Variants in TNRC6C observed in about 807,000 individuals in gnomAD.
TNRC6C encodes trinucleotide repeat-containing gene 6C protein.
A neutral mutation model predicts 153.7 loss-of-function variants in TNRC6C; 20 were observed. That is an observed-to-expected ratio of 0.13 (90% confidence interval 0.09 to 0.19). The LOEUF (loss-of-function observed/expected upper bound fraction) is 0.19, where lower values mean the gene tolerates loss of function less well. Among genes scored for constraint, TNRC6C ranks in the 10% least tolerant of loss-of-function variants. The probability of loss-of-function intolerance (pLI) is 1.00; values close to 1 mark genes in which losing one functional copy is unlikely to be tolerated. For missense variants in TNRC6C, 1,987 were observed against 2,172.0 expected, an observed-to-expected ratio of 0.91 and a Z score of 1.69; for synonymous variants, 811 against 841.4, an observed-to-expected ratio of 0.96 and a Z score of 0.63.
intron 1 of TNRC6C, among the ~76,000 whole-genome samples, chr17:78,025,038 A>G (rs2071912783): frequency 6.6e-6 from 1 of 151,864 alleles, no homozygotes; most frequent in African/African-American, 2.4e-5. Context: ...TGATCCACCC[A>G]CCGCAGCCTC....
chr17:78,080,424 C>G (rs2073159162), intron 10 of TNRC6C, among the ~76,000 whole-genome samples: 1 of 151,636 alleles, frequency 6.6e-6, no homozygotes, highest in Admixed American at 6.6e-5. Context: ...CCAGCCTGGG[C>G]AACAAGAGCG....
chr17:78,048,224 G>A (rs944821763), intron 2 of TNRC6C, among the ~76,000 whole-genome samples: 2 of 151,950 alleles, frequency 1.3e-5, no homozygotes, highest in African/African-American at 2.4e-5. Flanking sequence ...AGATAAAGTA[G>A]TATACAGCTA....
exon 11 of TNRC6C, chr17:78,083,162 A>T: frequency 6.2e-7 from 1 of 1,613,854 alleles, no homozygotes; most frequent in Non-Finnish European, 8.5e-7. Flanking sequence ...TATCAGCTGC[A>T]GCTGGTGAGT....
chr17:77,980,562 A>G (rs2071061085), intron 1 of TNRC6C, among the ~76,000 whole-genome samples: 1 of 152,150 alleles, frequency 6.6e-6, no homozygotes, highest in East Asian at 1.9e-4. Flanking sequence ...TCTGCTGTGG[A>G]TATCAGGTGG....
upstream of TNRC6C, among the ~76,000 whole-genome samples, chr17:77,958,728 T>C (rs993033866): frequency 6.6e-6 from 1 of 151,166 alleles, no homozygotes; most frequent in African/African-American, 2.4e-5. Context: ...ATGGCCGCGG[T>C]GGCAGCTCCG....
At chr17:78,035,585 G>C (rs9906734) in intron 2 of TNRC6C, among the ~76,000 whole-genome samples, 3,372 of 152,178 alleles carry the variant, frequency 0.022, 124 homozygotes, top group African/African-American at 0.076. Context: ...GAGAAGGATC[G>C]CTTGAGCCCA....
chr17:77,984,662 T>C (rs771294238), intron 1 of TNRC6C, among the ~76,000 whole-genome samples: 4 of 152,184 alleles, frequency 2.6e-5, no homozygotes, highest in Non-Finnish European at 4.4e-5. Context: ...ACCTGTACCC[T>C]CAAGGAAGTT....
At chr17:78,095,540 CCCTG>C in intron 16 of TNRC6C, among the ~76,000 whole-genome samples, 1 of 152,232 alleles carries the variant, frequency 6.6e-6, no homozygotes, top group Non-Finnish European at 1.5e-5. Context: ...CTTGAGCCTG[CCCTG>C]GCACTTGTAC....
intron 16 of TNRC6C, 98 bp from the exon 19 acceptor site, chr17:78,097,647 G>A: frequency 1.3e-6 from 1 of 784,568 alleles, no homozygotes; most frequent in Non-Finnish European, 2.0e-6. Context: ...TGGCAGCCTA[G>A]GGAGAGGTTG....
chr17:77,971,185 A>G (rs1456243667), intron 1 of TNRC6C, among the ~76,000 whole-genome samples: 2 of 152,248 alleles, frequency 1.3e-5, no homozygotes, highest in Admixed American at 6.5e-5. Flanking sequence ...AAATTAATCT[A>G]TTAGTGGTAT....
At chr17:77,988,563 CAT>C (rs966883203) in intron 1 of TNRC6C, among the ~76,000 whole-genome samples, 12 of 152,274 alleles carry the variant, frequency 7.9e-5, no homozygotes, top group Middle Eastern at 3.4e-3. Context: ...TTTATCTGAG[CAT>C]AGAGTCCACA....
intron 1 of TNRC6C, among the ~76,000 whole-genome samples, chr17:78,006,225 C>G (rs563442737): frequency 2.0e-5 from 3 of 152,254 alleles, no homozygotes; most frequent in Admixed American, 6.5e-5. Flanking sequence ...GGTCTCTGAA[C>G]CTCTAGACTA....
intron 1 of TNRC6C, among the ~76,000 whole-genome samples, chr17:77,981,248 G>A (rs1329887626): frequency 6.6e-6 from 1 of 152,010 alleles, no homozygotes; most frequent in African/African-American, 2.4e-5. Context: ...AGCCCCTTTT[G>A]GGTTTTTATG....
chr17:77,995,393 G>A (rs2071313142), intron 1 of TNRC6C, among the ~76,000 whole-genome samples: 2 of 152,194 alleles, frequency 1.3e-5, no homozygotes, highest in African/African-American at 4.8e-5. Context: ...CTAGTGCCCT[G>A]TACTGAAAAA....
At chr17:78,044,397 T>C (rs889432256) in intron 2 of TNRC6C, among the ~76,000 whole-genome samples, 1 of 152,226 alleles carries the variant, frequency 6.6e-6, no homozygotes, top group Non-Finnish European at 1.5e-5. Flanking sequence ...GCTTCTTCTC[T>C]GTCAGATACT....
intron 1 of TNRC6C, among the ~76,000 whole-genome samples, chr17:77,982,038 T>A (rs1311758418): frequency 3.3e-5 from 5 of 152,148 alleles, no homozygotes; most frequent in African/African-American, 1.2e-4. Flanking sequence ...CAAATGGGAT[T>A]AGAGACACAG....
intron 1 of TNRC6C, among the ~76,000 whole-genome samples, chr17:78,007,484 G>T (rs2071541920): frequency 6.6e-6 from 1 of 152,154 alleles, no homozygotes; most frequent in Non-Finnish European, 1.5e-5. Flanking sequence ...GGGTGACACA[G>T]GTTGGCCTGA....
chr17:78,098,668 AC>A, intron 17 of TNRC6C, 131 bp downstream of exon 20: 1 of 958,358 alleles, frequency 1.0e-6, no homozygotes, highest in Non-Finnish European at 1.5e-6. Flanking sequence ...TTAGGAGGGC[AC>A]CAGGGCCACC....
chr17:77,996,238 A>G (rs1263571383), intron 1 of TNRC6C, among the ~76,000 whole-genome samples: 1 of 152,234 alleles, frequency 6.6e-6, no homozygotes, highest in Non-Finnish European at 1.5e-5. Context: ...GCCGAGGTTT[A>G]AATAAATAGA....
Sources: allele counts gnomAD v4.1 joint callset (sites outside exome capture counted in the v4.1 genomes callset), GRCh38; gene constraint gnomAD v4.1.1; transcripts MANE v1.5; gene names NCBI Gene and HGNC (gene_info 2026-07-23, HGNC 2026-07-21).